The following PCDH15 variants were observed in gnomAD, a reference collection of about 807,000 sequenced individuals.
PCDH15 encodes the protein protocadherin-15.
A neutral mutation model predicts 178.5 loss-of-function variants in PCDH15; 129 were observed. That is an observed-to-expected ratio of 0.72 (90% CI 0.63 to 0.84). The LOEUF (loss-of-function observed/expected upper bound fraction) is 0.84, where lower values mean the gene tolerates loss of function less well. Ranked by LOEUF, PCDH15 falls within the 40% of genes least tolerant of loss-of-function variation. The probability of loss-of-function intolerance (pLI) is 0.00; values close to 1 mark genes in which losing one functional copy is unlikely to be tolerated. For synonymous variants in PCDH15, 800 were observed against 732.0 expected (o/e 1.09, Z -1.50); for missense variants, 2,230 against 2,099.9 (o/e 1.06, Z -1.21).
chr10:54,198,452 C>G lies in PCDH15; in HGVS notation c.1099-2563G>C, dbSNP rs369066028. Among the ~76,000 whole-genome samples the G allele has an allele frequency of 2.0e-4, 29 of 148,656 alleles. 1 individual carries two copies. The highest frequency in any genetic ancestry group is 6.8e-4 in the African/African-American group (28 of 40,938). Reference sequence around the variant, plus strand: ...AGGCATTTTGAACAGATTTTTTTCTCTCTTTCTTGTATCTCTCCATCTTTC... The same window carrying G: ...AGGCATTTTGAACAGATTTTTTTCTGTCTTTCTTGTATCTCTCCATCTTTC... On this transcript the variant is annotated intron_variant, in intron 10 of 37. Coordinates refer to ENST00000644397, the MANE Select transcript of PCDH15 (RefSeq NM_001384140.1).
chr10:55,104,022 TTA>T (rs1842625474), intron 2 of PCDH15, among the ~76,000 whole-genome samples: 15 of 151,988 alleles, frequency 9.9e-5, no homozygotes, highest in Non-Finnish European at 2.2e-4. Context: ...GTTAGCAGGT[TTA>T]TAGATAAGGG....
intron 3 of PCDH15, among the ~76,000 whole-genome samples, chr10:54,452,917 C>A (rs1370211151): frequency 6.6e-6 from 1 of 152,122 alleles, no homozygotes; most frequent in African/African-American, 2.4e-5. Context: ...TTCATGTCCA[C>A]CTGGAACCTC....
intron 2 of PCDH15, among the ~76,000 whole-genome samples, chr10:55,017,876 G>T (rs1591838046): frequency 6.6e-6 from 1 of 152,074 alleles, no homozygotes; most frequent in Non-Finnish European, 1.5e-5. Flanking sequence ...GATGGGAAAA[G>T]TGTTCCCACA....
At chr10:55,598,895 C>T (rs1015173503) in intron 2 of PCDH15, among the ~76,000 whole-genome samples, 1 of 151,970 alleles carries the variant, frequency 6.6e-6, no homozygotes, top group African/African-American at 2.4e-5. Flanking sequence ...CCAAAGCACT[C>T]GGCTTACACC....
At chr10:55,202,522 C>G (rs1336299482) in intron 1 of PCDH15, among the ~76,000 whole-genome samples, 2 of 152,136 alleles carry the variant, frequency 1.3e-5, no homozygotes, top group African/African-American at 4.8e-5. Context: ...CTGCAAACCA[C>G]ATTTCTATTC....
At chr10:55,602,907 A>T (rs1375515797) in intron 2 of PCDH15, among the ~76,000 whole-genome samples, 1 of 152,210 alleles carries the variant, frequency 6.6e-6, no homozygotes, top group African/African-American at 2.4e-5. Flanking sequence ...TGATGAGCTG[A>T]GAGAAGAAGG....
chr10:54,147,016 T>TA (rs1491305720), intron 14 of PCDH15, among the ~76,000 whole-genome samples: 6 of 79,236 alleles, frequency 7.6e-5, no homozygotes, highest in South Asian at 4.6e-4. Flanking sequence ...GTATATATAA[T>TA]GTGTATATAT....
intron 21 of PCDH15, among the ~76,000 whole-genome samples, chr10:53,964,860 G>C (rs966647905): frequency 6.6e-6 from 1 of 152,058 alleles, no homozygotes; most frequent in East Asian, 1.9e-4. Flanking sequence ...GTGAAAGAGT[G>C]GGGGTTTAGC....
At chr10:54,798,609 C>T (rs1349498049) in intron 1 of PCDH15, among the ~76,000 whole-genome samples, 1 of 151,974 alleles carries the variant, frequency 6.6e-6, no homozygotes, top group African/African-American at 2.4e-5. Flanking sequence ...ATGACTATGA[C>T]CAAAACCCAC....
intron 37 of PCDH15, chr10:53,809,675 G>T: frequency 1.1e-6 from 1 of 887,848 alleles, no homozygotes; most frequent in Non-Finnish European, 1.7e-6. Flanking sequence ...ACTGGCTTAA[G>T]AAAATAATCA....
rs1226901038 is a variant in PCDH15 at position 55,214,518 on chromosome 10, T to A, written c.-155-47867A>T. ...AATACATGACCATTTTATATCCAAA[T>A]TTTTTTGTCTTAAATTCCTTGTTAT... On this transcript the variant is annotated intron_variant, in intron 1 of 5. Coordinates refer to the PCDH15 transcript ENST00000458638. 2.0e-5 allele frequency among the ~76,000 whole-genome samples: 3 copies of A among 151,876 alleles called. No individual in the cohort carries two copies. In the East Asian group the frequency reaches 5.8e-4, roughly 29 times the overall value.
chr10:55,023,583 A>C (rs982873994), intron 2 of PCDH15, among the ~76,000 whole-genome samples: 1 of 152,114 alleles, frequency 6.6e-6, no homozygotes, highest in Non-Finnish European at 1.5e-5. Context: ...AGACACACAC[A>C]CAAGTGTTTG....
chr10:54,704,953 A>C (rs896802345), intron 1 of PCDH15, among the ~76,000 whole-genome samples: 1 of 152,184 alleles, frequency 6.6e-6, no homozygotes, highest in African/African-American at 2.4e-5. Flanking sequence ...GGACTGGATA[A>C]AGAAAATGCA....
intron 8 of PCDH15, among the ~76,000 whole-genome samples, chr10:54,295,300 TCTCTGTAAAATGGACCAATCAGCA>T (rs1366495455): frequency 1.3e-5 from 2 of 151,552 alleles, no homozygotes; most frequent in Non-Finnish European, 2.9e-5. Flanking sequence ...ACCAATCAAT[TCTCTGTAAAATGGACCAATCAGCA>T]CTCTGTAAAA....
chr10:54,675,878 TA>T (rs1015614343), intron 1 of PCDH15, among the ~76,000 whole-genome samples: 23 of 152,188 alleles, frequency 1.5e-4, no homozygotes, highest in Non-Finnish European at 2.6e-4. Context: ...GAATGAATTT[TA>T]AAAAGAAACG....
chr10:54,412,636 T>C (rs76088444), intron 3 of PCDH15, among the ~76,000 whole-genome samples: 3,626 of 152,290 alleles, frequency 0.024, 158 homozygotes, highest in African/African-American at 0.082. Flanking sequence ...TAATGACTGT[T>C]ACTGGCTACT....
At chr10:54,672,146 T>C (rs2094686823) in intron 1 of PCDH15, among the ~76,000 whole-genome samples, 1 of 152,004 alleles carries the variant, frequency 6.6e-6, no homozygotes, top group South Asian at 2.1e-4. Context: ...GATCATCTAG[T>C]TGCAAGAAAA....
Position 53,903,303 on chromosome 10 carries a change from T to C in PCDH15, c.3441A>G (p.Lys1147=), listed in dbSNP as rs1190083795. The C allele has an allele frequency of 6.2e-7, 1 of 1,613,270 alleles. No individual in the cohort carries two copies. Among genetic ancestry groups the C allele is most frequent in the Non-Finnish European group, 8.5e-7 (1 of 1,179,520 alleles). ...CTTCAGATACACCTCCGATGTAGAA[T>C]TTTTTCTGAAACACTGGGGGATGAT... ...ENNHPPVFQK[K]FYIGGVSEDA... is the part of the protein sequence containing the mutation. The change falls in exon 26 of 38, where the codon AAA becomes AAG. Residue 1147 remains lysine, a synonymous_variant. Coordinates refer to ENST00000644397, the MANE Select transcript of PCDH15 (RefSeq NM_001384140.1).
rs1238816094 is a variant in PCDH15 at position 55,561,585 on chromosome 10, T to C, written c.-156+66040A>G. 5.3e-5 allele frequency among the ~76,000 whole-genome samples: 8 copies of C among 151,894 alleles called. No homozygotes were observed. The South Asian group carries it at 6.2e-4, about 12-fold the overall frequency. On this transcript the variant is annotated intron_variant, in intron 2 of 5. Coordinates refer to the PCDH15 transcript ENST00000613346. ...ATGATAAGATGTTCCTGTTCCCAAATAGGCCTCTTAATCCACTTAGTACAT... is the reference window on the plus strand; with the variant it reads ...ATGATAAGATGTTCCTGTTCCCAAACAGGCCTCTTAATCCACTTAGTACAT...
Sources: gnomAD v4.1 joint callset for allele counts (sites outside exome capture counted in the v4.1 genomes callset) on GRCh38, gnomAD v4.1.1 for gene constraint, MANE v1.5 for transcripts, NCBI Gene and HGNC (gene_info 2026-07-23, HGNC 2026-07-21) for gene names.